The following ANXA8 variants were observed in gnomAD, a reference collection of about 807,000 sequenced individuals.
ANXA8 encodes the protein VAC-beta.
In ANXA8, 9 loss-of-function variants were observed where a neutral mutation model predicts 26.8. The ratio of observed to expected loss-of-function variants is 0.34; its 90% CI spans 0.20 to 0.59. The LOEUF is 0.59. ANXA8 is among the 20% of genes least tolerant of loss of function. ANXA8 has a pLI of 0.84. For synonymous variants in ANXA8, 39 were observed against 94.8 expected (o/e 0.41, Z 3.42); for missense variants, 83 against 238.5 (o/e 0.35, Z 4.29).
At chr10:47,733,198 TTTC>T in the ANXA8 span, among the ~76,000 whole-genome samples, 108 of 111,900 alleles carry the variant, frequency 9.7e-4, no homozygotes, top group South Asian at 1.3e-3. Flanking sequence ...TCTTTCTTTC[TTTC>T]TTTCTTTCTT....
the ANXA8 span, among the ~76,000 whole-genome samples, chr10:47,920,336 A>C: frequency 2.8e-5 from 2 of 70,302 alleles, no homozygotes; most frequent in Non-Finnish European, 5.5e-5. Flanking sequence ...TCCCAGGTTC[A>C]AGTGATTCTC....
At chr10:47,585,141 T>G in the ANXA8 span, among the ~76,000 whole-genome samples, 2 of 141,340 alleles carry the variant, frequency 1.4e-5, no homozygotes, top group Admixed American at 1.4e-4. Context: ...TGGGCGCCTG[T>G]AATCCCAGCT....
At chr10:47,689,615 ATT>A in the ANXA8 span, 2 of 508,444 alleles carry the variant, frequency 3.9e-6, no homozygotes, top group African/African-American at 3.8e-5. Context: ...ACTCAGTTAT[ATT>A]TTCTTTTGGT....
the ANXA8 span, among the ~76,000 whole-genome samples, chr10:47,743,301 T>TATATACACATATATATATAC: frequency 3.9e-4 from 16 of 41,350 alleles, 1 homozygote; most frequent in East Asian, 3.7e-3. Flanking sequence ...TATACACATA[T>TATATACACATATATATATAC]ATATATATAT....
At chr10:47,515,472 C>A in the ANXA8 span, among the ~76,000 whole-genome samples, 1 of 33,028 alleles carries the variant, frequency 3.0e-5, no homozygotes. Context: ...AGGCAAATGG[C>A]ACTTTGGAAA....
At chr10:47,658,946 A>T in the ANXA8 span, among the ~76,000 whole-genome samples, 1 of 149,134 alleles carries the variant, frequency 6.7e-6, no homozygotes, top group Non-Finnish European at 1.5e-5. Context: ...GTCTCGGCTC[A>T]CTGCAAGCTC....
chr10:47,591,721 C>A, the ANXA8 span, among the ~76,000 whole-genome samples: 1 of 131,348 alleles, frequency 7.6e-6, no homozygotes. Flanking sequence ...GCTGGGATTA[C>A]AGGCATAAGC....
chr10:47,554,908 T>C, the ANXA8 span, among the ~76,000 whole-genome samples: 13 of 151,738 alleles, frequency 8.6e-5, no homozygotes, highest in African/African-American at 3.2e-4. Flanking sequence ...GGGTAAATAA[T>C]CTTTCTAACA....
At chr10:47,599,098 A>G in the ANXA8 span, among the ~76,000 whole-genome samples, 1 of 147,426 alleles carries the variant, frequency 6.8e-6, no homozygotes, top group South Asian at 2.1e-4. Context: ...ATACATAATA[A>G]TATATAGTTA....
At chr10:47,501,367 C>A in the ANXA8 span, among the ~76,000 whole-genome samples, 1 of 143,946 alleles carries the variant, frequency 6.9e-6, no homozygotes, top group Non-Finnish European at 1.5e-5. Flanking sequence ...CCTCTTATCT[C>A]AACTAGCTGA....
chr10:47,744,814 G>T, the ANXA8 span, among the ~76,000 whole-genome samples: 1 of 151,888 alleles, frequency 6.6e-6, no homozygotes, highest in East Asian at 1.9e-4. Context: ...AAAATCTAGG[G>T]CATGTTCTGT....
At chr10:47,499,180 T>A in the ANXA8 span, among the ~76,000 whole-genome samples, 114 of 136,312 alleles carry the variant, frequency 8.4e-4, no homozygotes, top group Admixed American at 2.0e-3. Flanking sequence ...CTGGGATTAA[T>A]CAGAATATGG....
the ANXA8 span, among the ~76,000 whole-genome samples, chr10:47,621,498 A>G: frequency 5.4e-5 from 6 of 112,058 alleles, 1 homozygote; most frequent in South Asian, 2.9e-4. Flanking sequence ...CATCTGTCCA[A>G]CTGACTACAA....
chr10:47,664,516 C>T, the ANXA8 span, among the ~76,000 whole-genome samples: 196 of 150,928 alleles, frequency 1.3e-3, no homozygotes, highest in South Asian at 2.5e-3. Context: ...TGCAATGAGC[C>T]GAGATCACGC....
chr10:47,896,345 G>C, the ANXA8 span, among the ~76,000 whole-genome samples: 2 of 151,196 alleles, frequency 1.3e-5, no homozygotes, highest in African/African-American at 4.9e-5. Context: ...TCTATAACCA[G>C]GTGCACCCAA....
chr10:47,679,699 G>A, the ANXA8 span, among the ~76,000 whole-genome samples: 511 of 151,252 alleles, frequency 3.4e-3, 1 homozygote, highest in African/African-American at 0.011. Context: ...TAGGATGATC[G>A]CTTGAGCCCA....
chr10:47,491,729 T>C, the ANXA8 span: 7 of 1,545,542 alleles, frequency 4.5e-6, no homozygotes, highest in Non-Finnish European at 6.1e-6. Flanking sequence ...CCAACATGCT[T>C]TTATAGCTGC....
chr10:47,947,630 C>T, the ANXA8 span, among the ~76,000 whole-genome samples: 1 of 150,834 alleles, frequency 6.6e-6, no homozygotes, highest in Non-Finnish European at 1.5e-5. Flanking sequence ...TTACCACTTC[C>T]CCTCCTGCTC....
At chr10:47,966,424 G>A in the ANXA8 span, among the ~76,000 whole-genome samples, 2 of 150,970 alleles carry the variant, frequency 1.3e-5, no homozygotes, top group African/African-American at 4.8e-5. Context: ...AATCCCTGGA[G>A]AAGGGTGGGG....
Sources: gnomAD v4.1 joint callset for allele counts (sites outside exome capture counted in the v4.1 genomes callset) on GRCh38, gnomAD v4.1.1 for gene constraint, MANE v1.5 for transcripts, NCBI Gene and HGNC (gene_info 2026-07-23, HGNC 2026-07-21) for gene names.